SPEG: variants seen among roughly 807,000 people sequenced by gnomAD.
The protein encoded by SPEG is striated muscle enriched protein kinase.
A neutral mutation model predicts 300.4 loss-of-function variants in SPEG; 114 were observed. The ratio of observed to expected loss-of-function variants is 0.38; its 90% confidence interval spans 0.33 to 0.44. The LOEUF is 0.44. SPEG is among the 20% of genes least tolerant of loss of function. The pLI, the probability that SPEG is intolerant of heterozygous loss-of-function variation, is 1.00. For missense variants in SPEG, 4,201 were observed against 4,586.2 expected (o/e 0.92, Z 2.43); for synonymous variants, 1,964 against 2,018.9 (o/e 0.97, Z 0.73).
chr2:219,454,185 C>T (rs894140660), intron 6 of SPEG, among the ~76,000 whole-genome samples: 1 of 152,198 alleles, frequency 6.6e-6, no homozygotes, highest in Non-Finnish European at 1.5e-5. Context: ...GATCTCAATT[C>T]CTGGTTGGGA....
At chr2:219,438,955 G>T (rs1954787797) in intron 1 of SPEG, among the ~76,000 whole-genome samples, 1 of 152,220 alleles carries the variant, frequency 6.6e-6, no homozygotes, top group Non-Finnish European at 1.5e-5. Flanking sequence ...AGAATGTCTG[G>T]CTAGAGAAGC....
chr2:219,473,380 T>G lies in SPEG; in HGVS notation c.4148-124T>G. The G allele has an allele frequency of 3.0e-6, 3 of 1,015,102 alleles. No homozygotes were observed. Among genetic ancestry groups the G allele is most frequent in the Non-Finnish European group, 4.4e-6 (3 of 676,708 alleles). The allele number at this position is 1,015,102 out of a possible 1,614,324, so 62.9% of individuals were successfully genotyped here. On this transcript the variant is annotated intron_variant, in intron 16 of 40. Coordinates refer to ENST00000312358, the MANE Select transcript of SPEG (RefSeq NM_005876.5). The surrounding 1 kb of genome is among the most constrained non-coding windows in gnomAD (Gnocchi z 4.6). Reference sequence around the variant, plus strand: ...CCCCTGACAAATCGCTAAACCTCTCTGAGCTTCAGCTTTCCCATCTGTAAA... The same window carrying G: ...CCCCTGACAAATCGCTAAACCTCTCGGAGCTTCAGCTTTCCCATCTGTAAA...
intron 8 of SPEG, among the ~76,000 whole-genome samples, chr2:219,463,104 T>A (rs1053585476): frequency 3.3e-5 from 5 of 151,272 alleles, no homozygotes; most frequent in African/African-American, 9.7e-5. Context: ...CAGCTACTTA[T>A]GAGGGTGAGG....
chr2:219,475,916 C>G (rs1692296133), intron 18 of SPEG, among the ~76,000 whole-genome samples: 1 of 152,164 alleles, frequency 6.6e-6, no homozygotes, highest in African/African-American at 2.4e-5. Flanking sequence ...ATGGCCTCCC[C>G]CGTTGTCTGT....
intron 13 of SPEG, among the ~76,000 whole-genome samples, chr2:219,471,336 G>A (rs776501896): frequency 7.2e-5 from 11 of 152,226 alleles, no homozygotes; most frequent in Non-Finnish European, 1.5e-4. Flanking sequence ...TCAAGATGCA[G>A]AGGAGCAACA....
In SPEG at chr2:219,489,185, A is replaced by C. The variant is rs769798000; in HGVS notation, c.8281A>C (p.Asn2761His). 1.2e-6 allele frequency: 2 copies of C among 1,613,860 alleles called. No individual in the cohort carries two copies. The highest frequency in any genetic ancestry group is 2.2e-5 in the South Asian group (2 of 91,076). Residue 2761 changes from asparagine (N) to histidine (H), a missense_variant, in exon 35 of 41, where the codon AAC becomes CAC. Physicochemically the swap from Asn to His is moderately conservative, Grantham distance 68. This residue lies in a region of SPEG where 1,578 missense variants were observed against 1,506.0 expected (regional missense o/e 1.05). Coordinates refer to ENST00000312358, the MANE Select transcript of SPEG (RefSeq NM_005876.5). ...ANRAGQGPFS[N>H]SSEKVFVRGT... is the part of the protein sequence containing the mutation. Reference sequence around the variant, plus strand: ...CCGTGCTGGGCAGGGGCCCTTCAGCAACTCTTCTGAGAAGGTCTTTGTCAG... The same window carrying C: ...CCGTGCTGGGCAGGGGCCCTTCAGCCACTCTTCTGAGAAGGTCTTTGTCAG...
chr2:219,457,529 A>T (rs767275115), intron 6 of SPEG, among the ~76,000 whole-genome samples: 7 of 152,228 alleles, frequency 4.6e-5, no homozygotes, highest in Non-Finnish European at 1.0e-4. Context: ...GGTTGCAGTG[A>T]GCTGAGATTA....
rs755183186 is a variant in SPEG, at chr2:219,490,959, G to A, written c.9385+3G>A. The A allele has an allele frequency of 6.2e-7, 1 of 1,608,206 alleles. No homozygotes were observed. The highest frequency in any genetic ancestry group is 8.5e-7 in the Non-Finnish European group (1 of 1,176,698). On this transcript the variant is annotated splice_donor_region_variant and intron_variant, in intron 38 of 40. Transcript: ENST00000312358. ...CACGGGCACGCTGGAGTTCATGGGT[G>A]AGGGGACCAGCTGCCAGCCAGGGTG... is the stretch of plus-strand genomic sequence containing the variant.
chr2:219,449,643 C>G (rs763140630), intron 4 of SPEG, among the ~76,000 whole-genome samples: 1 of 152,096 alleles, frequency 6.6e-6, no homozygotes, highest in Non-Finnish European at 1.5e-5. Context: ...AACCTAAGGA[C>G]CCCCCTCCAT....
chr2:219,448,226 G>GA lies in SPEG; in HGVS notation c.1070dup (p.Ser358ValfsTer35). On this transcript the variant is annotated frameshift_variant, in exon 4 of 41. Coordinates refer to ENST00000312358, the MANE Select transcript of SPEG (RefSeq NM_005876.5). LOFTEE classifies it high-confidence loss of function. ...CCACCACCGAAGAGAAGCGAGGGAA[G>GA]AAGTCCAAGTCGTCCGGGCCCTCCC... is the stretch of plus-strand genomic sequence containing the variant. 1 of 1,612,560 alleles carries GA rather than the reference G, an allele frequency of 6.2e-7. No individual in the cohort carries two copies. Among genetic ancestry groups the GA allele is most frequent in the Non-Finnish European group, 8.5e-7 (1 of 1,179,652 alleles).
At position 219,448,230 on chromosome 2, in the gene SPEG, T is replaced by C; in HGVS notation, c.1072T>C (p.Ser358Pro). ...TTTEEKRGKK[S>P]KSSGPSLAGT... ...CACCGAAGAGAAGCGAGGGAAGAAGTCCAAGTCGTCCGGGCCCTCCCTGGC... is the reference window on the plus strand; with the variant it reads ...CACCGAAGAGAAGCGAGGGAAGAAGCCCAAGTCGTCCGGGCCCTCCCTGGC... The change falls in exon 4 of 41, where the codon TCC becomes CCC. Residue 358 changes from serine (S) to proline (P), a missense_variant. Coordinates refer to ENST00000312358, the MANE Select transcript of SPEG (RefSeq NM_005876.5). 1.9e-6 allele frequency: 3 copies of C among 1,612,288 alleles called. No individual in the cohort carries two copies. The highest frequency in any genetic ancestry group is 2.5e-6 in the Non-Finnish European group (3 of 1,179,600).
intron 3 of SPEG, among the ~76,000 whole-genome samples, chr2:219,446,412 C>T (rs1689292582): frequency 6.6e-6 from 1 of 152,154 alleles, no homozygotes; most frequent in African/African-American, 2.4e-5. Flanking sequence ...CAGGCCTCAC[C>T]CACTTCCCAG....
rs1559422471 is a variant in SPEG, at chr2:219,484,435, C to CGAAAACTTGGAGTCG, written c.6975_6989dup (p.Asn2326_Glu2330dup). Reference sequence around the variant, plus strand: ...CAGGCAGCAGTCTCAGTAGCAGCATCGAAAACTTGGAGTCGGAGGCCGTGT... The same window carrying CGAAAACTTGGAGTCG: ...CAGGCAGCAGTCTCAGTAGCAGCATCGAAAACTTGGAGTCGGAAAACTTGGAGTCGGAGGCCGTGT... On this transcript the variant is annotated inframe_insertion, in exon 30 of 41. Coordinates refer to ENST00000312358, the MANE Select transcript of SPEG (RefSeq NM_005876.5). 6 of 1,611,374 alleles carry CGAAAACTTGGAGTCG rather than the reference C, an allele frequency of 3.7e-6. No individual in the cohort carries two copies. The highest frequency in any genetic ancestry group is 8.5e-7 in the Non-Finnish European group (1 of 1,179,828).
At position 219,476,990 on chromosome 2, in the gene SPEG, T is replaced by G. The variant is rs766119163; in HGVS notation, c.4560+8T>G. ...GACATCATGTGGTACAAGGTCAGAG[T>G]GTGCTGCTGGCTGAGCCTGGGGGAG... On this transcript the variant is annotated splice_region_variant and intron_variant, in intron 19 of 40. Coordinates refer to ENST00000312358, the MANE Select transcript of SPEG (RefSeq NM_005876.5). The G allele has an allele frequency of 1.3e-6, 2 of 1,591,914 alleles. No homozygotes were observed. The highest frequency in any genetic ancestry group is 1.7e-6 in the Non-Finnish European group (2 of 1,167,318).
At chr2:219,455,180 T>C (rs1447293670) in intron 6 of SPEG, among the ~76,000 whole-genome samples, 1 of 152,256 alleles carries the variant, frequency 6.6e-6, no homozygotes, top group Non-Finnish European at 1.5e-5. Context: ...CCTGTGTTGA[T>C]TGGATTATTT....
At chr2:219,463,338 T>G in intron 8 of SPEG, among the ~76,000 whole-genome samples, 1 of 151,862 alleles carries the variant, frequency 6.6e-6, no homozygotes, top group East Asian at 1.9e-4. Flanking sequence ...TGCTAATTTT[T>G]TATGGTTTGA....
At position 219,493,141 on chromosome 2, in the gene SPEG, C is replaced by A; in HGVS notation, c.*355C>A. On this transcript the variant is annotated 3_prime_UTR_variant, in exon 41 of 41. Coordinates refer to ENST00000312358, the MANE Select transcript of SPEG (RefSeq NM_005876.5). ...GGGGGTCAGTGCATCTCAGGGAGAACCAAGGAAGGTGGGCATGGCTGGAGA... is the reference window on the plus strand; with the variant it reads ...GGGGGTCAGTGCATCTCAGGGAGAAACAAGGAAGGTGGGCATGGCTGGAGA... 2.1e-6 allele frequency: 1 copy of A among 485,432 alleles called. No individual in the cohort carries two copies. Among genetic ancestry groups the A allele is most frequent in the East Asian group, 4.6e-5 (1 of 21,656 alleles). 30.1% of individuals were successfully genotyped at this position (485,432 alleles called of 1,614,324 possible). A position where few individuals can be genotyped will look rare whatever the true frequency, so the allele number is the denominator to read the frequency against.
intron 9 of SPEG, chr2:219,465,925 GCGCGTGTGCGTGCA>G (rs878998908): frequency 0.034 from 8,197 of 241,466 alleles, 156 homozygotes; most frequent in Non-Finnish European, 0.043. Context: ...GTGTGTGTGC[GCGCGTGTGCGTGCA>G]CGTGTGCGTG....
At position 219,472,983 on chromosome 2, in the gene SPEG, C is replaced by T; in HGVS notation, c.4034C>T (p.Ala1345Val). ...LVTGLREPGW[A>V]ATGLRKGVQH... Reference sequence around the variant, plus strand: ...ACAGGCCTGCGGGAGCCAGGGTGGGCAGCCACAGGGCTGCGTAAGGGGGTC... The same window carrying T: ...ACAGGCCTGCGGGAGCCAGGGTGGGTAGCCACAGGGCTGCGTAAGGGGGTC... Residue 1345 changes from alanine to valine, a missense_variant, in exon 16 of 41, where the codon GCA (alanine) becomes GTA (valine). Around this residue, in one of 4 missense-constraint regions of SPEG, gnomAD observed 1,047 missense variants for 1,356.8 expected, o/e 0.77. Transcript: ENST00000312358. 1.2e-6 allele frequency: 2 copies of T among 1,613,936 alleles called. No individual in the cohort carries two copies. The highest frequency in any genetic ancestry group is 1.7e-6 in the Non-Finnish European group (2 of 1,180,016).
Sources: gnomAD v4.1 joint callset for allele counts (sites outside exome capture counted in the v4.1 genomes callset) on GRCh38, gnomAD v4.1.1 for gene constraint, gnomAD v4.1.1 regional missense constraint, Gnocchi (gnomAD v3.1) non-coding constraint, MANE v1.5 for transcripts, NCBI Gene and HGNC (gene_info 2026-07-23, HGNC 2026-07-21) for gene names.